The following LMX1A variants were observed in gnomAD, a reference collection of about 807,000 sequenced individuals.
LMX1A encodes the protein LIM homeobox transcription factor 1 alpha.
Under a neutral mutation model 49.1 loss-of-function variants are expected in LMX1A, and 15 were observed. The observed-to-expected ratio is 0.31, with a 90% confidence interval of 0.20 to 0.47. LMX1A has a LOEUF of 0.47. Among genes scored for constraint, LMX1A ranks in the 20% least tolerant of loss-of-function variants. The pLI is 1.00. For missense variants in LMX1A, 372 were observed against 475.8 expected (o/e 0.78, Z 2.03); for synonymous variants, 167 against 185.7 (o/e 0.90, Z 0.82).
intron 6 of LMX1A, 29 bp from the exon 7 acceptor site, chr1:165,208,161 A>G (rs752857250): frequency 6.2e-7 from 1 of 1,608,544 alleles, no homozygotes; most frequent in Admixed American, 1.7e-5. Context: ...TAGGATTAGA[A>G]GTCAGGTGGC....
chr1:165,311,727 G>A (rs929768607), intron 3 of LMX1A, among the ~76,000 whole-genome samples: 19 of 152,184 alleles, frequency 1.2e-4, no homozygotes, highest in African/African-American at 4.6e-4. Context: ...TTGCCCCAGA[G>A]GCTCCTGGAA....
intron 3 of LMX1A, among the ~76,000 whole-genome samples, chr1:165,300,161 T>C (rs1214795529): frequency 1.3e-5 from 2 of 152,138 alleles, no homozygotes; most frequent in Non-Finnish European, 2.9e-5. Flanking sequence ...TGTCCAATTC[T>C]CAGAACCCCT....
intron 3 of LMX1A, among the ~76,000 whole-genome samples, chr1:165,305,258 G>T (rs570198598): frequency 6.6e-6 from 1 of 152,140 alleles, no homozygotes; most frequent in South Asian, 2.1e-4. Flanking sequence ...CGATGGACTC[G>T]TCGACACATA....
At chr1:165,315,133 A>G (rs536249499) in intron 3 of LMX1A, among the ~76,000 whole-genome samples, 10 of 152,284 alleles carry the variant, frequency 6.6e-5, no homozygotes, top group African/African-American at 9.6e-5. Flanking sequence ...GCTGTTCTCT[A>G]TCTTCATCTT....
chr1:165,213,378 T>C (rs1180402928), intron 5 of LMX1A: 2 of 386,758 alleles, frequency 5.2e-6, no homozygotes, highest in East Asian at 4.2e-5. Context: ...ACTGTTCCCA[T>C]TGTGCTCTAT....
chr1:165,349,920 G>C (rs891184137), intron 3 of LMX1A, among the ~76,000 whole-genome samples: 1 of 152,136 alleles, frequency 6.6e-6, no homozygotes, highest in Non-Finnish European at 1.5e-5. Context: ...TAAGATAAAT[G>C]TGATAAACTT....
At chr1:165,325,088 G>C (rs1474364003) in intron 3 of LMX1A, among the ~76,000 whole-genome samples, 1 of 151,928 alleles carries the variant, frequency 6.6e-6, no homozygotes, top group African/African-American at 2.4e-5. Context: ...ACCCTCCAAA[G>C]GCTACTGCAC....
At chr1:165,207,945 T>C (rs1571144774) in intron 7 of LMX1A, 118 bp downstream of exon 7, 3 of 767,694 alleles carry the variant, frequency 3.9e-6, no homozygotes, top group South Asian at 2.0e-5. Context: ...CTCCAGTGGG[T>C]GTGGTCTAGG....
At chr1:165,222,173 C>A (rs1651874787) in intron 4 of LMX1A, among the ~76,000 whole-genome samples, 1 of 152,096 alleles carries the variant, frequency 6.6e-6, no homozygotes, top group Non-Finnish European at 1.5e-5. Context: ...CAAATCAAGC[C>A]TGGGTAAATA....
At chr1:165,325,673 C>G (rs950854627) in intron 3 of LMX1A, among the ~76,000 whole-genome samples, 2 of 152,006 alleles carry the variant, frequency 1.3e-5, no homozygotes, top group African/African-American at 2.4e-5. Flanking sequence ...GTGCCTCCCC[C>G]CTCCCTCTCT....
intron 3 of LMX1A, among the ~76,000 whole-genome samples, chr1:165,322,558 G>A (rs1655449601): frequency 6.6e-6 from 1 of 152,298 alleles, no homozygotes; most frequent in South Asian, 2.1e-4. Context: ...CTTATGCTAA[G>A]TGAGAGAAGC....
chr1:165,207,093 A>G (rs1651117052), intron 7 of LMX1A, among the ~76,000 whole-genome samples: 1 of 152,178 alleles, frequency 6.6e-6, no homozygotes, highest in African/African-American at 2.4e-5. Context: ...GCACCACCAA[A>G]AAGCTTGTTA....
At chr1:165,335,564 A>C (rs938195714) in intron 3 of LMX1A, among the ~76,000 whole-genome samples, 2 of 152,170 alleles carry the variant, frequency 1.3e-5, no homozygotes, top group African/African-American at 4.8e-5. Context: ...AGCTATAATC[A>C]AGTCAGTGGA....
intron 3 of LMX1A, among the ~76,000 whole-genome samples, chr1:165,284,165 T>C (rs933999276): frequency 6.6e-6 from 1 of 152,242 alleles, no homozygotes; most frequent in African/African-American, 2.4e-5. Flanking sequence ...CTCTTTCTCA[T>C]CTGCGAGATG....
chr1:165,324,762 AT>A (rs1173796809), intron 3 of LMX1A, among the ~76,000 whole-genome samples: 1 of 152,182 alleles, frequency 6.6e-6, no homozygotes, highest in Non-Finnish European at 1.5e-5. Context: ...CAGAGAAATA[AT>A]TTGCCCATTT....
At position 165,213,749 on chromosome 1, in the gene LMX1A, C is replaced by T. The variant is rs1482185388; in HGVS notation, c.561G>A (p.Glu187=). Residue 187 remains glutamate (E), a synonymous_variant, in exon 5 of 9, where the codon GAG becomes GAA. Transcript: ENST00000342310. ...SAHGAGKGTA[E]EGKDHKRPKR... is the part of the protein sequence containing the mutation. ...TGGGGCGCTTATGGTCCTTGCCTTC[C>T]TCAGCAGTTCCTTTCCCTGCCCCAT... 6.2e-7 allele frequency: 1 copy of T among 1,614,056 alleles called. No homozygotes were observed. Among genetic ancestry groups the T allele is most frequent in the African/African-American group, 1.3e-5 (1 of 74,914 alleles).
chr1:165,237,398 G>C (rs1362912377), intron 4 of LMX1A, among the ~76,000 whole-genome samples: 1 of 151,984 alleles, frequency 6.6e-6, no homozygotes, highest in Non-Finnish European at 1.5e-5. Context: ...TAATTTTTTT[G>C]TATTTTTTAG....
intron 5 of LMX1A, chr1:165,211,153 A>T (rs1486038384): frequency 6.2e-6 from 1 of 160,460 alleles, no homozygotes; most frequent in Non-Finnish European, 1.4e-5. Context: ...ATCACTTTGG[A>T]AAAACAAATG....
intron 3 of LMX1A, among the ~76,000 whole-genome samples, chr1:165,291,919 G>A (rs181042184): frequency 4.0e-4 from 61 of 152,060 alleles, no homozygotes; most frequent in Non-Finnish European, 5.9e-4. Flanking sequence ...AAAATTAGCC[G>A]GGCATGGTGG....
Sources: allele counts gnomAD v4.1 joint callset (sites outside exome capture counted in the v4.1 genomes callset), GRCh38; gene constraint gnomAD v4.1.1; transcripts MANE v1.5; gene names NCBI Gene and HGNC (gene_info 2026-07-23, HGNC 2026-07-21).